Variants in ERGIC1 observed in about 807,000 individuals in gnomAD.
The protein encoded by ERGIC1 is endoplasmic reticulum-Golgi intermediate compartment protein 1.
In ERGIC1, 19 loss-of-function variants were observed where a neutral mutation model predicts 38.3. The observed-to-expected ratio is 0.50, with a 90% CI of 0.35 to 0.73. The LOEUF is 0.73. ERGIC1 is among the 30% of genes least tolerant of loss of function. ERGIC1 has a pLI of 0.01. For synonymous variants in ERGIC1, 124 were observed against 157.6 expected (o/e 0.79, Z 1.60); for missense variants, 294 against 389.2 (o/e 0.76, Z 2.06).
intron 1 of ERGIC1, among the ~76,000 whole-genome samples, chr5:172,836,828 G>T (rs1468700667): frequency 6.6e-6 from 1 of 152,216 alleles, no homozygotes; most frequent in African/African-American, 2.4e-5. Context: ...ACACTTTGGG[G>T]TGCAGACATC....
In ERGIC1 at chr5:172,843,549, G is replaced by A. The variant is rs150222931; in HGVS notation, c.20+9116G>A. 5.5e-3 allele frequency among the ~76,000 whole-genome samples: 842 copies of A among 152,352 alleles called. 8 individuals are homozygous for A. The highest frequency in any genetic ancestry group is 0.017 in the Middle Eastern group (5 of 294). On this transcript the variant is annotated intron_variant, in intron 1 of 9. Transcript: ENST00000393784. ...TTGGGAAACCCTGGTGATATTTGGC[G>A]TGTTTTGATGTCTTGCTGGGTCCAA... is the stretch of plus-strand genomic sequence containing the variant.
chr5:172,935,521 A>C (rs776078604), intron 9 of ERGIC1: 21 of 580,892 alleles, frequency 3.6e-5, no homozygotes, highest in Non-Finnish European at 6.2e-5. Context: ...TTTGTCTAGA[A>C]AGTATTTTCC....
intron 3 of ERGIC1, chr5:172,906,317 G>A (rs933041434): frequency 5.1e-5 from 19 of 371,092 alleles, no homozygotes; most frequent in Admixed American, 3.7e-4. Context: ...ATTCTAGCTC[G>A]GCCATTTCCT....
At chr5:172,941,587 G>A (rs1764014478) in intron 9 of ERGIC1, among the ~76,000 whole-genome samples, 1 of 152,176 alleles carries the variant, frequency 6.6e-6, no homozygotes, top group East Asian at 1.9e-4. Flanking sequence ...TGTCAGGGGT[G>A]TTGCAGCAAC....
At chr5:172,947,450 G>A (rs1200557026) in intron 9 of ERGIC1, among the ~76,000 whole-genome samples, 1 of 152,178 alleles carries the variant, frequency 6.6e-6, no homozygotes, top group Non-Finnish European at 1.5e-5. Flanking sequence ...GAGATGACAG[G>A]CATGAGCCAC....
chr5:172,870,270 T>C (rs1055125374), intron 1 of ERGIC1, among the ~76,000 whole-genome samples: 3 of 152,224 alleles, frequency 2.0e-5, no homozygotes, highest in African/African-American at 7.2e-5. Flanking sequence ...CCCAGATTTC[T>C]GGTTTCACTT....
At chr5:172,948,332 C>CCCT (rs766782900) in intron 9 of ERGIC1, among the ~76,000 whole-genome samples, 5 of 152,236 alleles carry the variant, frequency 3.3e-5, no homozygotes, top group Non-Finnish European at 4.4e-5. Flanking sequence ...ATTCGCACTT[C>CCCT]CCTCTCGCCT....
intron 1 of ERGIC1, among the ~76,000 whole-genome samples, chr5:172,839,864 G>A (rs1361952694): frequency 6.6e-6 from 1 of 152,192 alleles, no homozygotes; most frequent in Non-Finnish European, 1.5e-5. Context: ...CGTTCCTGGA[G>A]CTGGGATTGG....
chr5:172,932,637 C>A, intron 8 of ERGIC1, 101 bp downstream of exon 8: 2 of 1,231,714 alleles, frequency 1.6e-6, no homozygotes, highest in Admixed American at 2.0e-5. Context: ...TCTTCTGATT[C>A]CTTTCTGGAG....
intron 1 of ERGIC1, among the ~76,000 whole-genome samples, chr5:172,888,191 G>A (rs1258210507): frequency 6.6e-6 from 1 of 152,212 alleles, no homozygotes; most frequent in African/African-American, 2.4e-5. Context: ...GTCATCTGGT[G>A]GTTCACGCCT....
chr5:172,881,442 G>T (rs1056560108), intron 1 of ERGIC1, among the ~76,000 whole-genome samples: 1 of 152,160 alleles, frequency 6.6e-6, no homozygotes, highest in African/African-American at 2.4e-5. Flanking sequence ...GCCTAGACTG[G>T]GTAGCGAGGA....
intron 4 of ERGIC1, among the ~76,000 whole-genome samples, chr5:172,910,967 G>A (rs182705780): frequency 6.3e-4 from 96 of 152,296 alleles, no homozygotes; most frequent in African/African-American, 2.0e-3. Context: ...AATGGGCTTA[G>A]TAATGTCTGT....
intron 1 of ERGIC1, among the ~76,000 whole-genome samples, chr5:172,836,096 C>T (rs1156829383): frequency 1.3e-5 from 2 of 152,194 alleles, no homozygotes; most frequent in Non-Finnish European, 2.9e-5. Flanking sequence ...TTTCTCCCTG[C>T]ACCTCACCCT....
intron 7 of ERGIC1, among the ~76,000 whole-genome samples, chr5:172,928,312 G>A (rs988104133): frequency 1.3e-5 from 2 of 152,188 alleles, no homozygotes; most frequent in Non-Finnish European, 2.9e-5. Flanking sequence ...TCAAGCAATG[G>A]ACAGCTGGGG....
chr5:172,890,357 T>G (rs534580168), intron 2 of ERGIC1, among the ~76,000 whole-genome samples: 2 of 152,180 alleles, frequency 1.3e-5, no homozygotes, highest in South Asian at 4.1e-4. Context: ...AGGATGAAAA[T>G]GCAAAGTGGA....
At chr5:172,947,011 C>T (rs996363110) in intron 9 of ERGIC1, among the ~76,000 whole-genome samples, 1 of 152,018 alleles carries the variant, frequency 6.6e-6, no homozygotes, top group East Asian at 1.9e-4. Flanking sequence ...TGGTAAAACC[C>T]AGTCTTTACT....
intron 3 of ERGIC1, among the ~76,000 whole-genome samples, chr5:172,900,282 T>C (rs2113328737): frequency 6.6e-6 from 1 of 152,284 alleles, no homozygotes; most frequent in South Asian, 2.1e-4. Flanking sequence ...GCTGCTTCTT[T>C]CTGAAGAGCA....
rs1581585338 is a variant in ERGIC1 at position 172,935,118 on chromosome 5, C to T, written c.643-70C>T. The T allele has an allele frequency of 1.9e-6, 3 of 1,607,816 alleles. No homozygotes were observed. The East Asian group carries it at 6.7e-5, about 36-fold the overall frequency. The stretch of plus-strand genomic sequence containing the variant: ...CTTTCTGGAGGGTTGCTGGGGGGCC[C>T]TCTGCAATCCAGTCCCCGCCCCCCC... On this transcript the variant is annotated intron_variant, in intron 8 of 9. Coordinates refer to ENST00000393784, the MANE Select transcript of ERGIC1 (RefSeq NM_001031711.3).
chr5:172,893,939 A>ATATG, intron 2 of ERGIC1, among the ~76,000 whole-genome samples: 1 of 35,774 alleles, frequency 2.8e-5, no homozygotes, highest in Non-Finnish European at 7.0e-5. Flanking sequence ...GTGTGTGTAT[A>ATATG]TATATATATA....
Sources: gnomAD v4.1 joint callset for allele counts (sites outside exome capture counted in the v4.1 genomes callset) on GRCh38, gnomAD v4.1.1 for gene constraint, MANE v1.5 for transcripts, NCBI Gene and HGNC (gene_info 2026-07-23, HGNC 2026-07-21) for gene names.